CADM1: variants seen among roughly 807,000 people sequenced by gnomAD.
CADM1 encodes the protein cell adhesion molecule 1.
CADM1 carries 15 observed loss-of-function variants against 53.1 expected under a neutral mutation model. The observed-to-expected ratio is 0.28, with a 90% CI of 0.19 to 0.44. CADM1 has a LOEUF of 0.44. Ranked by LOEUF, CADM1 falls within the 20% of genes least tolerant of loss-of-function variation. CADM1 has a pLI of 1.00. For missense variants in CADM1, 434 were observed against 611.3 expected, an observed-to-expected ratio of 0.71 and a Z score of 3.06; for synonymous variants, 281 against 243.0, an observed-to-expected ratio of 1.16 and a Z score of -1.45.
intron 8 of CADM1, among the ~76,000 whole-genome samples, chr11:115,206,360 A>G (rs1055823032): frequency 4.6e-5 from 7 of 152,204 alleles, no homozygotes; most frequent in Non-Finnish European, 8.8e-5. Flanking sequence ...TGCTCCGTGT[A>G]GGGTAAGCAG....
chr11:115,500,943 T>C (rs567402172), intron 1 of CADM1, among the ~76,000 whole-genome samples: 106 of 152,350 alleles, frequency 7.0e-4, no homozygotes, highest in African/African-American at 2.5e-3. Context: ...CCTGTTGGCG[T>C]CTTCCCTGTC....
intron 10 of CADM1, among the ~76,000 whole-genome samples, chr11:115,189,714 G>A (rs537870229): frequency 3.3e-5 from 5 of 152,276 alleles, no homozygotes; most frequent in African/African-American, 1.2e-4. Context: ...ATTGGGATTT[G>A]GAAATTCATT....
chr11:115,359,591 T>C (rs1187976815), intron 1 of CADM1, among the ~76,000 whole-genome samples: 7 of 152,162 alleles, frequency 4.6e-5, no homozygotes, highest in Admixed American at 3.3e-4. Flanking sequence ...TTCAACAAAA[T>C]TGAATATGTC....
At chr11:115,216,670 T>C (rs1036669053) in intron 6 of CADM1, among the ~76,000 whole-genome samples, 4 of 152,174 alleles carry the variant, frequency 2.6e-5, no homozygotes, top group East Asian at 1.9e-4. Context: ...CCAAGACCAC[T>C]TTCCAGCTCC....
At chr11:115,494,645 T>C (rs1442119368) in intron 1 of CADM1, among the ~76,000 whole-genome samples, 2 of 152,160 alleles carry the variant, frequency 1.3e-5, no homozygotes, top group Admixed American at 6.5e-5. Flanking sequence ...CCTTTTTACA[T>C]AGTATTTTCT....
chr11:115,475,493 T>A (rs1364261121), intron 1 of CADM1, among the ~76,000 whole-genome samples: 1 of 152,144 alleles, frequency 6.6e-6, no homozygotes, highest in Admixed American at 6.6e-5. Context: ...ACATTACTCG[T>A]ATCGCCAAAA....
chr11:115,336,818 C>A (rs1018491524), intron 1 of CADM1, among the ~76,000 whole-genome samples: 1 of 152,082 alleles, frequency 6.6e-6, no homozygotes, highest in Non-Finnish European at 1.5e-5. Context: ...TAACATTTTA[C>A]ATGGCATCTC....
chr11:115,238,794 T>G, intron 2 of CADM1, 142 bp from the exon 3 acceptor site: 1 of 816,920 alleles, frequency 1.2e-6, no homozygotes, highest in Non-Finnish European at 2.0e-6. Context: ...TGTAGACAAA[T>G]AACCTTGTCC....
intron 1 of CADM1, among the ~76,000 whole-genome samples, chr11:115,276,111 T>C (rs898010830): frequency 6.6e-6 from 1 of 152,262 alleles, no homozygotes. Context: ...TGTTGTACCA[T>C]TTCAGAAGTA....
intron 1 of CADM1, among the ~76,000 whole-genome samples, chr11:115,490,821 G>C (rs1275561959): frequency 6.6e-6 from 1 of 152,184 alleles, no homozygotes; most frequent in Non-Finnish European, 1.5e-5. Context: ...TACCATTTGT[G>C]TTTCTTGGAC....
intron 1 of CADM1, among the ~76,000 whole-genome samples, chr11:115,392,700 G>A (rs944289724): frequency 6.6e-6 from 1 of 152,018 alleles, no homozygotes. Flanking sequence ...ATGACCATGT[G>A]GTGAGATGGT....
chr11:115,191,878 T>A (rs149136307), intron 9 of CADM1, among the ~76,000 whole-genome samples: 134 of 152,360 alleles, frequency 8.8e-4, no homozygotes, highest in Middle Eastern at 3.4e-3. Context: ...AGTTTGCTCA[T>A]ACTTCTCTAG....
At chr11:115,501,562 T>A (rs565479419) in intron 1 of CADM1, among the ~76,000 whole-genome samples, 110 of 152,292 alleles carry the variant, frequency 7.2e-4, no homozygotes, top group Non-Finnish European at 1.4e-3. Context: ...AGCAAACCCA[T>A]TTTTACTGCA....
intron 1 of CADM1, among the ~76,000 whole-genome samples, chr11:115,329,595 G>A (rs1945078144): frequency 6.6e-6 from 1 of 152,074 alleles, no homozygotes; most frequent in South Asian, 2.1e-4. Context: ...CTAGGGCTGG[G>A]TGCCCGTGAC....
At chr11:115,230,968 G>A (rs1038226962) in intron 4 of CADM1, among the ~76,000 whole-genome samples, 1 of 152,116 alleles carries the variant, frequency 6.6e-6, no homozygotes, top group African/African-American at 2.4e-5. Context: ...TGGGCTTCTG[G>A]TCCCCTCTAG....
intron 1 of CADM1, among the ~76,000 whole-genome samples, chr11:115,306,050 G>T (rs1034047445): frequency 2.0e-4 from 12 of 58,904 alleles, no homozygotes; most frequent in Non-Finnish European, 2.1e-4. Flanking sequence ...TTTAATTAAG[G>T]GATATTTGCA....
chr11:115,255,972 C>T (rs781549007), intron 1 of CADM1, among the ~76,000 whole-genome samples: 7 of 152,202 alleles, frequency 4.6e-5, no homozygotes, highest in Non-Finnish European at 1.0e-4. Flanking sequence ...AGCGCTCTCA[C>T]CCTTAGTGGG....
At chr11:115,419,669 G>A (rs1285171781) in intron 1 of CADM1, among the ~76,000 whole-genome samples, 1 of 152,114 alleles carries the variant, frequency 6.6e-6, no homozygotes, top group African/African-American at 2.4e-5. Context: ...AGAAATCTTT[G>A]ACCGTGAACC....
At chr11:115,397,762 C>T (rs1424640936) in intron 1 of CADM1, 1 of 220 alleles carries the variant, frequency 4.5e-3, no homozygotes, top group Non-Finnish European at 8.6e-3. Context: ...AGTTGGAACT[C>T]TTAACAGGCA....
Sources: allele counts gnomAD v4.1 joint callset (sites outside exome capture counted in the v4.1 genomes callset), GRCh38; gene constraint gnomAD v4.1.1; transcripts MANE v1.5; gene names NCBI Gene and HGNC (gene_info 2026-07-23, HGNC 2026-07-21).